SRPK3: variants seen among roughly 807,000 people sequenced by gnomAD.
SRPK3 encodes the protein SFRS protein kinase 3.
Under a neutral mutation model 45.3 loss-of-function variants are expected in SRPK3, and 26 were observed. The observed-to-expected ratio is 0.57, with a 90% CI of 0.42 to 0.80. SRPK3 has a LOEUF of 0.80. Ranked by LOEUF, SRPK3 falls within the 30% of genes least tolerant of loss-of-function variation. The pLI, the probability that SRPK3 is intolerant of heterozygous loss-of-function variation, is 0.00. For synonymous variants in SRPK3, 254 were observed against 226.6 expected, an observed-to-expected ratio of 1.12 and a Z score of -1.09; for missense variants, 536 against 514.5, an observed-to-expected ratio of 1.04 and a Z score of -0.40.
intron 10 of SRPK3, 32 bp downstream of exon 10, chrX:153,784,245 G>C (rs377740458): frequency 1.5e-4 from 187 of 1,209,458 alleles, no homozygotes; most frequent in Non-Finnish European, 1.9e-4. Context: ...GGGCAGGCAG[G>C]GCTGGCAGTA....
chrX:153,784,457 G>A (rs1403305503), intron 11 of SRPK3, 63 bp downstream of exon 11: 14 of 1,109,060 alleles, frequency 1.3e-5, no homozygotes, highest in Non-Finnish European at 1.7e-5. Context: ...GCACAGGGCC[G>A]CTCTTGGGGA....
chrX:153,781,693 C>T (rs1470014053), intron 3 of SRPK3, 50 bp from the exon 4 acceptor site: 2 of 1,203,103 alleles, frequency 1.7e-6, no homozygotes, highest in Non-Finnish European at 2.2e-6. Flanking sequence ...CCCTGATCCC[C>T]GCCGTGGGTC....
rs782551261 is a variant in SRPK3 at position 153,785,332 on chromosome X, G to A, written c.1520-4G>A. 32 of 1,202,265 alleles carry A rather than the reference G, an allele frequency of 2.7e-5. No homozygotes were observed. Among genetic ancestry groups the A allele is most frequent in the African/African-American group, 7.0e-5 (4 of 57,548 alleles). On this transcript the variant is annotated splice_polypyrimidine_tract_variant and splice_region_variant and intron_variant, in intron 14 of 14. Coordinates refer to ENST00000370101, the MANE Select transcript of SRPK3 (RefSeq NM_014370.4). ...GAGCCTGACGCCCGCTGGCCTGCCC[G>A]CAGGAGAGCTGCGGCACATCCACAA...
chrX:153,783,522 C>T (rs782286055), intron 8 of SRPK3, among the ~76,000 whole-genome samples: 101 of 112,960 alleles, frequency 8.9e-4, no homozygotes, highest in Non-Finnish European at 1.4e-3. Context: ...TGAGGCGGGC[C>T]GGCCAGGTCT....
At chrX:153,783,193 T>TCCCCCCCCCCCCCCCCCCCCCC in intron 7 of SRPK3, 33 bp from the exon 8 acceptor site, 1 of 439,171 alleles carries the variant, frequency 2.3e-6, no homozygotes, top group African/African-American at 5.0e-5. Flanking sequence ...TTCCTCCCTG[T>TCCCCCCCCCCCCCCCCCCCCCC]CCCCCCCCAC....
Position 153,782,140 on chromosome X carries a change from G to A in SRPK3, c.407G>A (p.Ser136Asn), listed in dbSNP as rs782419521. The A allele has an allele frequency of 5.0e-6, 6 of 1,211,549 alleles. 1 individual carries two copies. In the Admixed American group the frequency reaches 1.3e-4, roughly 26 times the overall value. The change falls in exon 5 of 15, where the codon AGT becomes AAT. Residue 136 changes from serine to asparagine, a missense_variant. Ser to Asn is a conservative substitution (Grantham distance 46, BLOSUM62 1). Transcript: ENST00000370101. Reference protein sequence around the residue: ...LLKCVRDSDPSDPKRETIVQL... With the variant: ...LLKCVRDSDPNDPKRETIVQL... Reference sequence around the variant, plus strand: ...CTCCAGGTCCGGGACAGCGACCCCAGTGACCCCAAAAGAGAGACCATTGTC... The same window carrying A: ...CTCCAGGTCCGGGACAGCGACCCCAATGACCCCAAAAGAGAGACCATTGTC...
rs2092060393 is a variant in SRPK3 at position 153,782,952 on chromosome X, G to A, written c.583-1G>A. ...AGGAGGTCAGGTGCGACTCTCTGCA[G>A]GTGCTGCACGGCCTGGACTACCTCC... On this transcript the variant is annotated splice_acceptor_variant, in intron 6 of 14. Transcript: ENST00000370101. LOFTEE classifies it high-confidence loss of function. 8.5e-7 allele frequency: 1 copy of A among 1,180,688 alleles called. No individual in the cohort carries two copies. Among genetic ancestry groups the A allele is most frequent in the Non-Finnish European group, 1.1e-6 (1 of 878,108 alleles).
Position 153,783,195 on chromosome X carries a change from C to A in SRPK3, c.749-31C>A, listed in dbSNP as rs782261773. The stretch of plus-strand genomic sequence containing the variant: ...GCCTGAGTCTCTGTTCCTCCCTGTC[C>A]CCCCCCACCGCTCCCCACCTGCACT... On this transcript the variant is annotated intron_variant, in intron 7 of 14. Coordinates refer to ENST00000370101, the MANE Select transcript of SRPK3 (RefSeq NM_014370.4). 161 of 968,172 alleles carry A rather than the reference C, an allele frequency of 1.7e-4. 1 individual carries two copies. The highest frequency in any genetic ancestry group is 2.2e-4 in the Non-Finnish European group (155 of 715,314). The allele number at this position is 968,172 out of a possible 1,213,427, so 79.8% of individuals were successfully genotyped here.
rs1368484364 is a variant in SRPK3 at position 153,781,223 on chromosome X, GCCTCCTGCGGGCCCGAGT to G, written c.72_89del (p.Cys25_Ser30del). ...CACTCACCCCACCCGCAGCTCACAG[GCCTCCTGCGGGCCCGAGT>G]CCTCGGGCTCCGAACTAGCCCTGGC... On this transcript the variant is annotated inframe_deletion, in exon 2 of 15. Transcript: ENST00000370101. 8.3e-7 allele frequency: 1 copy of G among 1,205,922 alleles called. No homozygotes were observed. The highest frequency in any genetic ancestry group is 1.1e-6 in the Non-Finnish European group (1 of 893,277).
Position 153,781,596 on chromosome X carries a change from G to C in SRPK3, c.282G>C (p.Trp94Cys). ...KLGWGHFSTV[W>C]LCWDIQRKRF... is the part of the protein sequence containing the mutation. ...GCTGGGGCCACTTCTCCACCGTCTG[G>C]CTCTGCTGGGACATCCAGTGAGTGC... Residue 94 changes from tryptophan (W) to cysteine (C), a missense_variant, in exon 3 of 15, where the codon TGG becomes TGC. By Grantham distance (215) the Trp-to-Cys change is radical. Coordinates refer to ENST00000370101, the MANE Select transcript of SRPK3 (RefSeq NM_014370.4). The C allele has an allele frequency of 8.3e-7, 1 of 1,210,641 alleles. No homozygotes were observed. Among genetic ancestry groups the C allele is most frequent in the Non-Finnish European group, 1.1e-6 (1 of 895,025 alleles).
In SRPK3 at chrX:153,781,163, C is replaced by T. The variant is rs2092048471; in HGVS notation, c.59+18C>T. 4 of 1,173,226 alleles carry T rather than the reference C, an allele frequency of 3.4e-6. No homozygotes were observed. Among genetic ancestry groups the T allele is most frequent in the Non-Finnish European group, 4.6e-6 (4 of 878,142 alleles). On this transcript the variant is annotated intron_variant, in intron 1 of 14. Transcript: ENST00000370101. Reference sequence around the variant, plus strand: ...AGCAGCAGGTAGGGCTCGGCTGGGGCACCCGGAGCCCCTGGCGTCTCTCAT... The same window carrying T: ...AGCAGCAGGTAGGGCTCGGCTGGGGTACCCGGAGCCCCTGGCGTCTCTCAT...
At position 153,785,116 on chromosome X, in the gene SRPK3, AT is replaced by A; in HGVS notation, c.1463del (p.Ile488ThrfsTer45). 8.3e-7 allele frequency: 1 copy of A among 1,210,520 alleles called. No individual in the cohort carries two copies. Among genetic ancestry groups the A allele is most frequent in the Non-Finnish European group, 1.1e-6 (1 of 895,192 alleles). On this transcript the variant is annotated frameshift_variant, in exon 14 of 15. Coordinates refer to ENST00000370101, the MANE Select transcript of SRPK3 (RefSeq NM_014370.4). LOFTEE classifies it high-confidence loss of function. ...TCACATAGTGGAGCTTCTGGGGGACATCCCCCCAGCCTTCGCCCTCTCAGGC... is the reference window on the plus strand; with the variant it reads ...TCACATAGTGGAGCTTCTGGGGGACACCCCCCAGCCTTCGCCCTCTCAGGC... ...IAHIVELLGD[I>X]PPAFALSGRY...
rs1569542519 is a variant in SRPK3 at position 153,784,389 on chromosome X, T to C, written c.1243T>C (p.Trp415Arg). 1 of 1,209,657 alleles carries C rather than the reference T, an allele frequency of 8.3e-7. No individual in the cohort carries two copies. Among genetic ancestry groups the C allele is most frequent in the Non-Finnish European group, 1.1e-6 (1 of 894,467 alleles). The change falls in exon 11 of 15, where the codon TGG becomes CGG. Residue 415 changes from tryptophan (W) to arginine (R), a missense_variant. Coordinates refer to ENST00000370101, the MANE Select transcript of SRPK3 (RefSeq NM_014370.4). Reference protein sequence around the residue: ...IKIADLGNACWVHKHFTEDIQ... With the variant: ...IKIADLGNACRVHKHFTEDIQ... ...GATCGCAGACCTGGGCAACGCCTGC[T>C]GGGTGGTATGAGCAAGTGTGGGAGA...
rs2092067314 is a variant in SRPK3 at position 153,783,872 on chromosome X, A to G, written c.895A>G (p.Thr299Ala). 1 of 1,189,210 alleles carries G rather than the reference A, an allele frequency of 8.4e-7. No homozygotes were observed. The highest frequency in any genetic ancestry group is 2.4e-5 in the Admixed American group (1 of 42,456). Residue 299 changes from threonine (T) to alanine (A), a missense_variant, in exon 9 of 15, where the codon ACC becomes GCC. Physicochemically the swap from Thr to Ala is moderately conservative, Grantham distance 58. Coordinates refer to ENST00000370101, the MANE Select transcript of SRPK3 (RefSeq NM_014370.4). ...LQRLEAMEAA[T>A]QAEDSGLRLD... Reference sequence around the variant, plus strand: ...GAGGCTGGAGGCCATGGAGGCTGCCACCCAGGCTGAGGGTGAGGGGCCACA... The same window carrying G: ...GAGGCTGGAGGCCATGGAGGCTGCCGCCCAGGCTGAGGGTGAGGGGCCACA...
At chrX:153,782,680 C>A in intron 5 of SRPK3, 92 bp from the exon 6 acceptor site, 1 of 928,326 alleles carries the variant, frequency 1.1e-6, no homozygotes, top group Non-Finnish European at 1.5e-6. Context: ...CCCACCTCCA[C>A]ACGGCCCAAG....
Position 153,781,236 on chromosome X carries a change from C to G in SRPK3, c.80C>G (p.Pro27Arg). ...CGCAGCTCACAGGCCTCCTGCGGGCCCGAGTCCTCGGGCTCCGAACTAGCC... is the reference window on the plus strand; with the variant it reads ...CGCAGCTCACAGGCCTCCTGCGGGCGCGAGTCCTCGGGCTCCGAACTAGCC... ...SSSSSQASCG[P>R]ESSGSELALA... Residue 27 changes from proline to arginine, a missense_variant, in exon 2 of 15, where the codon CCC becomes CGC. Pro to Arg is a moderately radical substitution (Grantham distance 103). Transcript: ENST00000370101. 2 of 1,208,603 alleles carry G rather than the reference C, an allele frequency of 1.7e-6. No individual in the cohort carries two copies. The highest frequency in any genetic ancestry group is 4.6e-4 in the Middle Eastern group (2 of 4,331).
Position 153,783,741 on chromosome X carries a change from G to A in SRPK3, c.775-11G>A, listed in dbSNP as rs1557067776. The A allele has an allele frequency of 8.3e-7, 1 of 1,210,510 alleles. No homozygotes were observed. The highest frequency in any genetic ancestry group is 2.2e-5 in the Admixed American group (1 of 46,109). The stretch of plus-strand genomic sequence containing the variant: ...GCGACAGGAACCCTGGGGTGACCCT[G>A]GCTCTGACAGCAGACCGGTAAGCTG... On this transcript the variant is annotated splice_polypyrimidine_tract_variant and intron_variant, in intron 8 of 14. Coordinates refer to ENST00000370101, the MANE Select transcript of SRPK3 (RefSeq NM_014370.4).
chrX:153,781,392 G>A, intron 2 of SRPK3, 46 bp downstream of exon 2: 2 of 1,173,207 alleles, frequency 1.7e-6, no homozygotes, highest in Non-Finnish European at 2.3e-6. Context: ...CCACTGCAGG[G>A]ACCCAGGGCA....
intron 8 of SRPK3, 27 bp downstream of exon 8, chrX:153,783,278 T>C (rs1413486634): frequency 2.6e-6 from 3 of 1,136,850 alleles, no homozygotes; most frequent in African/African-American, 3.7e-5. Context: ...CTCTCTCCCA[T>C]GCCTCCTCTC....
Sources: allele counts gnomAD v4.1 joint callset (sites outside exome capture counted in the v4.1 genomes callset), GRCh38; gene constraint gnomAD v4.1.1; transcripts MANE v1.5; gene names NCBI Gene and HGNC (gene_info 2026-07-23, HGNC 2026-07-21).